NHERF1: variants seen among roughly 807,000 people sequenced by gnomAD.
NHERF1 encodes Na(+)/H(+) exchange regulatory cofactor NHE-RF1.
the NHERF1 span, among the ~76,000 whole-genome samples, chr17:74,755,825 C>T: frequency 6.6e-6 from 1 of 151,888 alleles, no homozygotes; most frequent in Non-Finnish European, 1.5e-5. Flanking sequence ...AAATGCACAC[C>T]AGATTTTGAA....
chr17:74,754,882 A>C, the NHERF1 span, among the ~76,000 whole-genome samples: 3 of 152,254 alleles, frequency 2.0e-5, no homozygotes. Context: ...TGTGTCTAGC[A>C]CTGTGCTAAG....
chr17:74,765,841 C>T, the NHERF1 span, among the ~76,000 whole-genome samples: 1 of 152,046 alleles, frequency 6.6e-6, no homozygotes, highest in Non-Finnish European at 1.5e-5. Flanking sequence ...CATGAGCCAC[C>T]GAGCCCAGAC....
At chr17:74,761,035 G>A in the NHERF1 span, among the ~76,000 whole-genome samples, 2 of 152,228 alleles carry the variant, frequency 1.3e-5, no homozygotes, top group South Asian at 2.1e-4. The surrounding 1 kb of genome is among the most constrained non-coding windows in gnomAD (Gnocchi z 4.3). Context: ...CACAGGCTTC[G>A]GCTGCCTACA....
At chr17:74,761,044 C>T in the NHERF1 span, among the ~76,000 whole-genome samples, 3 of 152,242 alleles carry the variant, frequency 2.0e-5, no homozygotes, top group South Asian at 2.1e-4. The surrounding 1 kb of genome is among the most constrained non-coding windows in gnomAD (Gnocchi z 4.3). Context: ...CGGCTGCCTA[C>T]ACCCATATTC....
At chr17:74,767,882 G>A in the NHERF1 span, 1 of 568,296 alleles carries the variant, frequency 1.8e-6, no homozygotes, top group Non-Finnish European at 3.3e-6. Flanking sequence ...CCCAGGGAGA[G>A]GGAGCGGTTC....
chr17:74,768,862 A>C, the NHERF1 span: 6 of 578,448 alleles, frequency 1.0e-5, no homozygotes, highest in Non-Finnish European at 1.8e-5. Flanking sequence ...CAGAAAGGAG[A>C]CTCTGCCTCC....
the NHERF1 span, chr17:74,749,205 C>T: frequency 1.5e-5 from 23 of 1,525,470 alleles, no homozygotes; most frequent in African/African-American, 3.0e-4. The surrounding 1 kb of genome is among the most constrained non-coding windows in gnomAD (Gnocchi z 5.6). Flanking sequence ...CCGGGGCAGG[C>T]CGAGCCGCCG....
chr17:74,759,619 G>A, the NHERF1 span, among the ~76,000 whole-genome samples: 10 of 152,244 alleles, frequency 6.6e-5, no homozygotes, highest in Admixed American at 1.3e-4. Context: ...CTGAGCGCCC[G>A]GAAGGAAGGC....
chr17:74,763,076 C>T, the NHERF1 span: 24 of 337,222 alleles, frequency 7.1e-5, no homozygotes, highest in African/African-American at 4.6e-4. Context: ...GGCCCCACCC[C>T]GGCCTCCCAG....
the NHERF1 span, among the ~76,000 whole-genome samples, chr17:74,749,526 G>A: frequency 3.9e-5 from 6 of 152,210 alleles, no homozygotes; most frequent in Non-Finnish European, 8.8e-5. This position sits in a 1 kb window ranked among gnomAD's most constrained non-coding sequence, Gnocchi z 5.6. Context: ...CGCCTTTGCC[G>A]CCTGCACCTC....
the NHERF1 span, chr17:74,763,422 G>A: frequency 4.0e-5 from 65 of 1,613,854 alleles, no homozygotes; most frequent in Admixed American, 9.5e-4. Context: ...TCCGCCATCA[G>A]GGCTGGCGGG....
At chr17:74,765,237 G>A in the NHERF1 span, among the ~76,000 whole-genome samples, 1 of 152,028 alleles carries the variant, frequency 6.6e-6, no homozygotes, top group African/African-American at 2.4e-5. Context: ...AATAGGAGTT[G>A]GGATTATTTT....
the NHERF1 span, among the ~76,000 whole-genome samples, chr17:74,755,867 C>T: frequency 1.2e-4 from 19 of 152,104 alleles, 1 homozygote; most frequent in African/African-American, 4.6e-4. Context: ...TGTACAATAG[C>T]TCAATTGTTA....
chr17:74,761,675 C>T, the NHERF1 span, among the ~76,000 whole-genome samples: 126 of 151,038 alleles, frequency 8.3e-4, no homozygotes, highest in African/African-American at 3.0e-3. The surrounding 1 kb of genome is among the most constrained non-coding windows in gnomAD (Gnocchi z 4.3). Context: ...GATAGAGGCC[C>T]GATCAACACA....
At chr17:74,748,896 T>C in the NHERF1 span, 1 of 1,598,832 alleles carries the variant, frequency 6.3e-7, no homozygotes, top group African/African-American at 1.3e-5. This position sits in a 1 kb window ranked among gnomAD's most constrained non-coding sequence, Gnocchi z 4.3. Flanking sequence ...CTCTGCTGCC[T>C]GGAGAAGGGT....
chr17:74,755,289 C>T, the NHERF1 span, among the ~76,000 whole-genome samples: 1 of 152,298 alleles, frequency 6.6e-6, no homozygotes, highest in Middle Eastern at 3.4e-3. Context: ...CCATAAGTGG[C>T]AGGCTCCTGT....
chr17:74,759,213 C>T, the NHERF1 span, among the ~76,000 whole-genome samples: 1 of 152,196 alleles, frequency 6.6e-6, no homozygotes, highest in Non-Finnish European at 1.5e-5. Context: ...CCTGGAGCCG[C>T]CACAGAGCCA....
the NHERF1 span, among the ~76,000 whole-genome samples, chr17:74,758,690 T>C: frequency 0.38 from 58,105 of 152,068 alleles, 12,268 homozygotes; most frequent in Non-Finnish European, 0.48. The surrounding 1 kb of genome is among the most constrained non-coding windows in gnomAD (Gnocchi z 4.3). Context: ...CCTAAGATCC[T>C]GGGGGCCACA....
the NHERF1 span, among the ~76,000 whole-genome samples, chr17:74,762,698 C>T: frequency 6.6e-6 from 1 of 152,126 alleles, no homozygotes; most frequent in Non-Finnish European, 1.5e-5. The surrounding 1 kb of genome is among the most constrained non-coding windows in gnomAD (Gnocchi z 4.2). Context: ...GCTGGGATTA[C>T]AGGTGCCCAC....
Sources: gnomAD v4.1 joint callset for allele counts (sites outside exome capture counted in the v4.1 genomes callset) on GRCh38, gnomAD v4.1.1 for gene constraint, Gnocchi (gnomAD v3.1) non-coding constraint, MANE v1.5 for transcripts, NCBI Gene and HGNC (gene_info 2026-07-23, HGNC 2026-07-21) for gene names.